Variants in NOC2L observed in about 807,000 individuals in gnomAD.
NOC2L encodes nucleolar complex protein 2 homolog.
A neutral mutation model predicts 94.2 loss-of-function variants in NOC2L; 101 were observed. That is an observed-to-expected ratio of 1.07 (90% CI 0.91 to 1.26). NOC2L has a LOEUF of 1.26. NOC2L is among the 50% of genes most tolerant of loss of function. The probability of loss-of-function intolerance (pLI) is 0.00; values close to 1 mark genes in which losing one functional copy is unlikely to be tolerated. For missense variants in NOC2L, 1,076 were observed against 980.1 expected (o/e 1.10, Z -1.31); for synonymous variants, 531 against 413.4 (o/e 1.28, Z -3.45).
At position 951,993 on chromosome 1, in the gene NOC2L, A is replaced by C; in HGVS notation, c.1331+7T>G. ...TCCCGCACAACCCTGCCCACCCCAC[A>C]ACTCACTTGATACAGCCAATGATGA... On this transcript the variant is annotated splice_region_variant and intron_variant, in intron 11 of 18. Transcript: ENST00000327044. The C allele has an allele frequency of 3.7e-6, 6 of 1,610,448 alleles. No homozygotes were observed. The highest frequency in any genetic ancestry group is 4.2e-6 in the Non-Finnish European group (5 of 1,178,390).
intron 16 of NOC2L, 139 bp from the exon 17 acceptor site, chr1:945,792 C>A: frequency 9.1e-7 from 1 of 1,096,794 alleles, no homozygotes; most frequent in Non-Finnish European, 1.3e-6. Flanking sequence ...ATCACAAAGC[C>A]ATCCTCCAAG....
rs1229970547 is a variant in NOC2L, at chr1:955,905, C to T, written c.698+18G>A. 2.0e-5 allele frequency: 27 copies of T among 1,374,914 alleles called. No homozygotes were observed. The highest frequency in any genetic ancestry group is 2.8e-5 in the Non-Finnish European group (27 of 969,394). The allele number at this position is 1,374,914 out of a possible 1,614,324, so 85.2% of individuals were successfully genotyped here. A position where few individuals can be genotyped will look rare whatever the true frequency, so the allele number is the denominator to read the frequency against. ...ACCCACCTTCCACCCTACCCCCCTT[C>T]ACCCCCTCCCCTCTTACCTGCTGCT... On this transcript the variant is annotated intron_variant, in intron 6 of 18. Transcript: ENST00000327044.
chr1:956,279 G>A lies in NOC2L; in HGVS notation c.487-64C>T, dbSNP rs116557519. 1.3e-3 allele frequency: 2,051 copies of A among 1,594,160 alleles called. 18 individuals carry two copies. The African/African-American group carries it at 0.022, about 17-fold the overall frequency. On this transcript the variant is annotated intron_variant, in intron 4 of 18. Transcript: ENST00000327044. Reference sequence around the variant, plus strand: ...AGACTGCACTTGGCAGAGTGGAAACGGCAGCCCCAGAGAAAGGCACCCTCA... The same window carrying A: ...AGACTGCACTTGGCAGAGTGGAAACAGCAGCCCCAGAGAAAGGCACCCTCA...
chr1:957,062 A>C (rs1243182005), intron 3 of NOC2L, 37 bp from the exon 4 acceptor site: 3 of 1,613,980 alleles, frequency 1.9e-6, no homozygotes, highest in Non-Finnish European at 8.5e-7. Flanking sequence ...GAGTGTAGAG[A>C]CAAGTGCCCC....
intron 2 of NOC2L, chr1:958,651 T>G (rs2100400903): frequency 1.5e-6 from 1 of 650,518 alleles, no homozygotes; most frequent in Non-Finnish European, 2.8e-6. Flanking sequence ...TCTACCGAAC[T>G]GCAGGCGGTG....
At chr1:945,849 T>G (rs1030141732) in intron 16 of NOC2L, among the ~76,000 whole-genome samples, 196 bp from the exon 17 acceptor site, 1 of 152,102 alleles carries the variant, frequency 6.6e-6, no homozygotes, top group Non-Finnish European at 1.5e-5. Context: ...TTCCTGCTTC[T>G]CCTCACGGGC....
At chr1:952,269 C>T (rs958034629) in intron 10 of NOC2L, 130 bp from the exon 11 acceptor site, 3 of 1,397,552 alleles carry the variant, frequency 2.1e-6, no homozygotes, top group African/African-American at 2.8e-5. Flanking sequence ...ACCCTTCCCC[C>T]ACCTGCAAGG....
intron 14 of NOC2L, among the ~76,000 whole-genome samples, chr1:947,654 G>A (rs1281343816): frequency 1.3e-5 from 2 of 152,208 alleles, no homozygotes; most frequent in African/African-American, 2.4e-5. Flanking sequence ...TCCTGCCTAA[G>A]ATGAGGCTGA....
rs565667492 is a variant in NOC2L, at chr1:952,065, C to T, written c.1266G>A (p.Ala422=). Reference sequence around the variant, plus strand: ...AGGGCTGGAGGGCTTCGCTGGGGCCCGCAGTGCTCAGGACCCGGCACCACA... The same window carrying T: ...AGGGCTGGAGGGCTTCGCTGGGGCCTGCAGTGCTCAGGACCCGGCACCACA... The part of the protein sequence containing the change: ...LFLWCRVLST[A]GPSEALQPLV... Residue 422 remains alanine, a synonymous_variant, in exon 11 of 19, where the codon GCG becomes GCA. Transcript: ENST00000327044. The T allele has an allele frequency of 1.1e-5, 17 of 1,613,716 alleles. No homozygotes were observed. The highest frequency in any genetic ancestry group is 3.3e-5 in the Admixed American group (2 of 60,008).
intron 6 of NOC2L, among the ~76,000 whole-genome samples, chr1:955,689 T>A (rs1238001830): frequency 6.6e-6 from 1 of 152,178 alleles, no homozygotes; most frequent in Non-Finnish European, 1.5e-5. Context: ...CTTCTGAGAC[T>A]CTGAGCAGAC....
chr1:945,259 TC>T (rs35916504), intron 17 of NOC2L, 113 bp from the exon 18 acceptor site: 330,500 of 1,354,618 alleles, frequency 0.24, 42,503 homozygotes, highest in South Asian at 0.29. Context: ...TCCGCTGACT[TC>T]CAGCAGGTGG....
rs767073373 is a variant in NOC2L at position 956,927 on chromosome 1, G to A, written c.453C>T (p.Val151=). The change falls in exon 4 of 19, where the codon GTC becomes GTT. Residue 151 remains valine (V), a synonymous_variant. Coordinates refer to ENST00000327044, the MANE Select transcript of NOC2L (RefSeq NM_015658.4). ...KGKKNSVPVT[V]AMVERWKQAA... is the part of the protein sequence containing the mutation. ...CCTGCTTCCATCTCTCAACCATGGC[G>A]ACGGTCACAGGAACAGAATTCTTCT... 1.2e-5 allele frequency: 19 copies of A among 1,614,054 alleles called. No individual in the cohort carries two copies. The Middle Eastern group carries it at 6.6e-4, about 56-fold the overall frequency.
chr1:950,692 C>A (rs1642236551), intron 12 of NOC2L, among the ~76,000 whole-genome samples: 1 of 152,006 alleles, frequency 6.6e-6, no homozygotes, highest in African/African-American at 2.4e-5. Context: ...CCCATGCACC[C>A]AGATGGTGCA....
At chr1:955,378 C>T (rs1557622012) in intron 6 of NOC2L, among the ~76,000 whole-genome samples, 1 of 152,262 alleles carries the variant, frequency 6.6e-6, no homozygotes, top group Non-Finnish European at 1.5e-5. Flanking sequence ...CATGGCTGCA[C>T]AGCCCCGGAA....
chr1:945,439 G>C (rs1642077584), intron 17 of NOC2L, 79 bp downstream of exon 17: 2 of 1,541,488 alleles, frequency 1.3e-6, no homozygotes, highest in African/African-American at 1.4e-5. Flanking sequence ...GATGGGTACA[G>C]GTGGCCCTCG....
At chr1:945,917 C>G (rs558281235) in intron 16 of NOC2L, among the ~76,000 whole-genome samples, 2 of 152,356 alleles carry the variant, frequency 1.3e-5, no homozygotes, top group African/African-American at 4.8e-5. Context: ...TCCACCTGCC[C>G]GGAGCCTCCA....
chr1:946,829 G>A (rs572535948), intron 14 of NOC2L: 9 of 304,334 alleles, frequency 3.0e-5, no homozygotes, highest in Middle Eastern at 1.1e-3. Flanking sequence ...AGGCTGAGGC[G>A]GGTGGATCAC....
Position 944,327 on chromosome 1 carries a change from A to G in NOC2L, c.*367T>C. 1.4e-6 allele frequency: 2 copies of G among 1,385,858 alleles called. No individual in the cohort carries two copies. The highest frequency in any genetic ancestry group is 1.8e-5 in the South Asian group (1 of 54,330). The allele number at this position is 1,385,858 out of a possible 1,614,324, so 85.8% of individuals were successfully genotyped here. A position where few individuals can be genotyped will look rare whatever the true frequency, so the allele number is the denominator to read the frequency against. On this transcript the variant is annotated 3_prime_UTR_variant, in exon 19 of 19. Transcript: ENST00000327044. Reference sequence around the variant, plus strand: ...AATTTTCAAAGACTTGGGGGAGTGAAGGCAGAGCCTGGTGCAGATGGACGA... The same window carrying G: ...AATTTTCAAAGACTTGGGGGAGTGAGGGCAGAGCCTGGTGCAGATGGACGA...
rs770707128 is a variant in NOC2L, at chr1:956,009, G to A, written c.612C>T (p.Phe204=). Residue 204 remains phenylalanine, a synonymous_variant, in exon 6 of 19, where the codon TTC becomes TTT. Transcript: ENST00000327044. ...TGATGCAGAAGGTAACCAGAGCATTGAATGCTGCAACGAAAAGGCCTGGAT... is the reference window on the plus strand; with the variant it reads ...TGATGCAGAAGGTAACCAGAGCATTAAATGCTGCAACGAAAAGGCCTGGAT... ...NKFQVTDSAA[F]NALVTFCIRD... 85 of 1,613,754 alleles carry A rather than the reference G, an allele frequency of 5.3e-5. No homozygotes were observed. The Admixed American group carries it at 1.4e-3, about 26-fold the overall frequency.
Sources: allele counts gnomAD v4.1 joint callset (sites outside exome capture counted in the v4.1 genomes callset), GRCh38; gene constraint gnomAD v4.1.1; transcripts MANE v1.5; gene names NCBI Gene and HGNC (gene_info 2026-07-23, HGNC 2026-07-21).